VWDE: variants seen among roughly 807,000 people sequenced by gnomAD.
The protein encoded by VWDE is von Willebrand factor D and EGF domain-containing protein.
In VWDE, 207 loss-of-function variants were observed where a neutral mutation model predicts 178.4. That is an observed-to-expected ratio of 1.16 (90% CI 1.04 to 1.30). VWDE has a LOEUF of 1.30. VWDE is among the 50% of genes most tolerant of loss of function. The pLI is 0.00. For missense variants in VWDE, 2,287 were observed against 1,901.3 expected, an observed-to-expected ratio of 1.20 and a Z score of -3.77; for synonymous variants, 738 against 651.4, an observed-to-expected ratio of 1.13 and a Z score of -2.02.
intron 24 of VWDE, among the ~76,000 whole-genome samples, chr7:12,337,899 T>G (rs2128545236): frequency 6.6e-6 from 1 of 152,252 alleles, no homozygotes; most frequent in Non-Finnish European, 1.5e-5. Context: ...ATGTATTAAT[T>G]TTATGAGATG....
chr7:12,395,666 T>C (rs890828920), intron 1 of VWDE, among the ~76,000 whole-genome samples: 24 of 152,180 alleles, frequency 1.6e-4, no homozygotes, highest in Admixed American at 3.9e-4. Context: ...ATATTTTATA[T>C]CTATTATTTC....
At chr7:12,382,181 G>C (rs952874371) in intron 4 of VWDE, among the ~76,000 whole-genome samples, 1 of 151,716 alleles carries the variant, frequency 6.6e-6, no homozygotes, top group East Asian at 1.9e-4. Flanking sequence ...TTGCATAGCA[G>C]AGTTTTTTTT....
At position 12,370,292 on chromosome 7, in the gene VWDE, T is replaced by C. The variant is rs549003588; in HGVS notation, c.2014A>G (p.Ile672Val). Residue 672 changes from isoleucine (I) to valine (V), a missense_variant, in exon 12 of 29, where the codon ATT becomes GTT. By Grantham distance (29) the Ile-to-Val change is conservative. Transcript: ENST00000275358. ...IPELDVTSEY[I>V]NSDTLVREIN... ...TCTCTGACAAGAGTGTCTGAATTAA[T>C]ATATTCGGAGGTGACATCTAGTTCT... is the stretch of plus-strand genomic sequence containing the variant. The C allele has an allele frequency of 5.6e-5, 87 of 1,551,240 alleles. No homozygotes were observed. The East Asian group carries it at 2.1e-3, about 37-fold the overall frequency.
intron 3 of VWDE, among the ~76,000 whole-genome samples, chr7:12,386,512 G>A (rs1379070972): frequency 6.6e-6 from 1 of 152,138 alleles, no homozygotes; most frequent in Non-Finnish European, 1.5e-5. Flanking sequence ...CCCCCATCTT[G>A]TTATGTTCTC....
chr7:12,403,196 T>G (rs547577774), intron 1 of VWDE, among the ~76,000 whole-genome samples: 7 of 152,252 alleles, frequency 4.6e-5, no homozygotes, highest in Non-Finnish European at 1.0e-4. Context: ...CTTAACTTGG[T>G]GATTTATTGT....
At position 12,359,491 on chromosome 7, in the gene VWDE, T is replaced by C; in HGVS notation, c.3274+87A>G. 3.5e-6 allele frequency: 3 copies of C among 863,950 alleles called. No homozygotes were observed. The Admixed American group carries it at 7.4e-5, about 21-fold the overall frequency. The allele number at this position is 863,950 out of a possible 1,614,324, so 53.5% of individuals were successfully genotyped here. A position where few individuals can be genotyped will look rare whatever the true frequency, so the allele number is the denominator to read the frequency against. On this transcript the variant is annotated intron_variant, in intron 16 of 28. Transcript: ENST00000275358. ...AAATTAAACACAGAGGTCATTCATC[T>C]TAAACACATTTACGTAACTTCTGGC...
At chr7:12,400,566 C>G (rs1784850710) in intron 1 of VWDE, among the ~76,000 whole-genome samples, 1 of 151,850 alleles carries the variant, frequency 6.6e-6, no homozygotes, top group African/African-American at 2.4e-5. Flanking sequence ...AAAAAACTAC[C>G]CACAAAGAAA....
intron 13 of VWDE, among the ~76,000 whole-genome samples, chr7:12,364,853 G>A (rs569760424): frequency 4.9e-4 from 75 of 152,168 alleles, no homozygotes; most frequent in South Asian, 2.1e-3. Context: ...GAAAAACAGG[G>A]AGCTTAAAGT....
chr7:12,403,781 G>A lies in VWDE; in HGVS notation c.-65C>T, dbSNP rs1053292003. Reference sequence around the variant, plus strand: ...CGGGCCGCGGGTGCCAGGAGGATGGGGCCACAGCAGCCCCTCGGGCCTCCT... The same window carrying A: ...CGGGCCGCGGGTGCCAGGAGGATGGAGCCACAGCAGCCCCTCGGGCCTCCT... On this transcript the variant is annotated 5_prime_UTR_variant, in exon 1 of 29. Coordinates refer to ENST00000275358, the MANE Select transcript of VWDE (RefSeq NM_001135924.3). 1.7e-5 allele frequency: 25 copies of A among 1,505,516 alleles called. No homozygotes were observed. The African/African-American group carries it at 3.2e-4, about 19-fold the overall frequency. The allele number at this position is 1,505,516 out of a possible 1,614,324, so 93.3% of individuals were successfully genotyped here. A position where few individuals can be genotyped will look rare whatever the true frequency, so the allele number is the denominator to read the frequency against.
At chr7:12,361,560 T>G (rs1430660215) in intron 13 of VWDE, 39 bp from the exon 14 acceptor site, 2 of 1,474,780 alleles carry the variant, frequency 1.4e-6, no homozygotes, top group Non-Finnish European at 1.8e-6. Context: ...CTCTGTTAAA[T>G]TATGGAAATA....
chr7:12,402,634 A>T (rs1165050640), intron 1 of VWDE, among the ~76,000 whole-genome samples: 1 of 152,234 alleles, frequency 6.6e-6, no homozygotes, highest in East Asian at 1.9e-4. Flanking sequence ...ATGTTATTAC[A>T]TGTATTTTTT....
At chr7:12,361,088 G>A in intron 15 of VWDE, 59 bp downstream of exon 15, 2 of 1,073,034 alleles carry the variant, frequency 1.9e-6, no homozygotes, top group South Asian at 3.1e-5. Context: ...TGTGCCCACA[G>A]CATAGGAAAT....
intron 4 of VWDE, among the ~76,000 whole-genome samples, 174 bp from the exon 5 acceptor site, chr7:12,380,907 A>G (rs2128558714): frequency 6.6e-6 from 1 of 152,334 alleles, no homozygotes; most frequent in East Asian, 1.9e-4. Flanking sequence ...ATTCTGGCCC[A>G]TAATCACACA....
At position 12,370,815 on chromosome 7, in the gene VWDE, C is replaced by A. The variant is rs1783154482; in HGVS notation, c.1637G>T (p.Gly546Val). 1 of 1,550,948 alleles carries A rather than the reference C, an allele frequency of 6.4e-7. No individual in the cohort carries two copies. Among genetic ancestry groups the A allele is most frequent in the Non-Finnish European group, 8.7e-7 (1 of 1,146,594 alleles). The change falls in exon 11 of 29, where the codon GGC (glycine) becomes GTC (valine). Residue 546 changes from glycine to valine, a missense_variant. Coordinates refer to ENST00000275358, the MANE Select transcript of VWDE (RefSeq NM_001135924.3). ...AFIRADLGEW[G>V]MSLTIRAPSV... The stretch of plus-strand genomic sequence containing the variant: ...AGGGGCTCTGATCGTTAGACTCATG[C>A]CCCATTCACCAAGATCAGCACGGAT...
intron 18 of VWDE, among the ~76,000 whole-genome samples, chr7:12,355,429 A>AG (rs397807840): frequency 2.7e-5 from 4 of 150,930 alleles, no homozygotes; most frequent in Non-Finnish European, 5.9e-5. Context: ...AAAAAAAAAA[A>AG]GTGCTGAAGA....
intron 23 of VWDE, among the ~76,000 whole-genome samples, chr7:12,341,761 C>G (rs1781344476): frequency 6.6e-6 from 1 of 151,908 alleles, no homozygotes; most frequent in Non-Finnish European, 1.5e-5. Flanking sequence ...TTAAAAGAAA[C>G]CTAGAAGATT....
Position 12,373,572 on chromosome 7 carries a change from A to G in VWDE, c.1317-325T>C, listed in dbSNP as rs370775959. 2.6e-5 allele frequency among the ~76,000 whole-genome samples: 4 copies of G among 152,096 alleles called. No homozygotes were observed. The East Asian group carries it at 5.8e-4, about 22-fold the overall frequency. On this transcript the variant is annotated intron_variant, in intron 9 of 28. Transcript: ENST00000275358. The stretch of plus-strand genomic sequence containing the variant: ...TTTCGTAACCACTCTATTTTAATAT[A>G]AATTCCAACCCCTCTTTTCAGCCTT...
chr7:12,343,593 T>C (rs535869785), intron 21 of VWDE, among the ~76,000 whole-genome samples: 2 of 152,284 alleles, frequency 1.3e-5, no homozygotes, highest in African/African-American at 4.8e-5. Context: ...CATAAAAACA[T>C]TTAACATGGC....
chr7:12,388,955 A>C (rs748443348), intron 3 of VWDE, 172 bp downstream of exon 3: 1 of 720,912 alleles, frequency 1.4e-6, no homozygotes, highest in South Asian at 1.5e-5. Flanking sequence ...TTGGCAAAGA[A>C]CCCTAAAGAA....
Sources: allele counts gnomAD v4.1 joint callset (sites outside exome capture counted in the v4.1 genomes callset), GRCh38; gene constraint gnomAD v4.1.1; transcripts MANE v1.5; gene names NCBI Gene and HGNC (gene_info 2026-07-23, HGNC 2026-07-21).